Variants in SCFD2 observed in about 807,000 individuals in gnomAD.
The protein encoded by SCFD2 is sec1 family domain-containing protein 2.
Under a neutral mutation model 58.9 loss-of-function variants are expected in SCFD2, and 54 were observed. The observed-to-expected ratio is 0.92, with a 90% CI of 0.74 to 1.15. The LOEUF is 1.15. Ranked by LOEUF, SCFD2 falls within the 50% of genes most tolerant of loss-of-function variation. The pLI is 0.00. For synonymous variants in SCFD2, 321 were observed against 335.9 expected, an observed-to-expected ratio of 0.96 and a Z score of 0.49; for missense variants, 805 against 836.6, an observed-to-expected ratio of 0.96 and a Z score of 0.47.
intron 5 of SCFD2, among the ~76,000 whole-genome samples, chr4:53,047,426 C>A (rs1723070239): frequency 6.6e-6 from 1 of 152,164 alleles, no homozygotes; most frequent in Admixed American, 6.5e-5. Context: ...CCAGCCTGGA[C>A]AACAGAGTGA....
chr4:53,293,737 TA>T (rs895030614), intron 3 of SCFD2, among the ~76,000 whole-genome samples: 4 of 152,092 alleles, frequency 2.6e-5, no homozygotes, highest in African/African-American at 9.6e-5. Context: ...GCTCACTCTT[TA>T]AAAAAAATTA....
chr4:53,046,834 A>G (rs1020338558), intron 5 of SCFD2, among the ~76,000 whole-genome samples: 2 of 151,820 alleles, frequency 1.3e-5, no homozygotes, highest in Non-Finnish European at 2.9e-5. Context: ...CATCCAGCTA[A>G]TTTTCTTTTG....
chr4:53,169,552 TGGATATATA>T (rs1474094737), intron 4 of SCFD2, among the ~76,000 whole-genome samples: 1 of 152,078 alleles, frequency 6.6e-6, no homozygotes, highest in Non-Finnish European at 1.5e-5. Flanking sequence ...TCGTTTGCTT[TGGATATATA>T]CCCAAAGTGG....
At chr4:53,228,822 AT>A (rs1330294722) in intron 4 of SCFD2, among the ~76,000 whole-genome samples, 1 of 152,228 alleles carries the variant, frequency 6.6e-6, no homozygotes, top group East Asian at 1.9e-4. Flanking sequence ...GAAAAGAGGA[AT>A]TCAAATTGTC....
chr4:52,934,471 T>C (rs1720086343), intron 5 of SCFD2, among the ~76,000 whole-genome samples: 1 of 152,224 alleles, frequency 6.6e-6, no homozygotes, highest in South Asian at 2.1e-4. Context: ...TGGAAATTGT[T>C]GGCTGTGGCT....
rs571219518 is a variant in SCFD2, at chr4:53,198,706, T to C, written c.1312-53124A>G. Among the ~76,000 whole-genome samples, 3 of 150,646 alleles carry C rather than the reference T, an allele frequency of 2.0e-5. No homozygotes were observed. The East Asian group carries it at 5.9e-4, about 30-fold the overall frequency. The stretch of plus-strand genomic sequence containing the variant: ...GTGCATGTGTGTATACATGTGTTCA[T>C]TTAAAGATCCTATAAGAACCCTCAT... On this transcript the variant is annotated intron_variant, in intron 4 of 8. Transcript: ENST00000401642.
intron 5 of SCFD2, among the ~76,000 whole-genome samples, chr4:53,106,983 C>T (rs541688093): frequency 7.5e-4 from 114 of 152,220 alleles, no homozygotes; most frequent in Admixed American, 4.6e-3. Context: ...AGAGAAAGGT[C>T]GGGTTACCCA....
chr4:53,161,067 A>G (rs1560363405), intron 4 of SCFD2, among the ~76,000 whole-genome samples: 1 of 152,260 alleles, frequency 6.6e-6, no homozygotes, highest in Non-Finnish European at 1.5e-5. Context: ...AGAAGCCAGA[A>G]AAAATATATA....
chr4:53,355,706 C>T (rs1385639310), intron 1 of SCFD2, among the ~76,000 whole-genome samples: 2 of 152,144 alleles, frequency 1.3e-5, no homozygotes. Context: ...TCAACCTACC[C>T]CTCCAACTGA....
chr4:53,291,098 A>T (rs532156059), intron 3 of SCFD2, among the ~76,000 whole-genome samples: 71 of 152,276 alleles, frequency 4.7e-4, no homozygotes, highest in African/African-American at 1.5e-3. Context: ...ATATTTTATA[A>T]GGCCAGTATC....
At chr4:53,213,825 G>A (rs903226426) in intron 4 of SCFD2, among the ~76,000 whole-genome samples, 1 of 151,908 alleles carries the variant, frequency 6.6e-6, no homozygotes, top group Admixed American at 6.6e-5. Flanking sequence ...CCCACGACAG[G>A]CCCTGGTGTG....
At chr4:53,321,536 T>G (rs1316196294) in intron 2 of SCFD2, among the ~76,000 whole-genome samples, 1 of 152,040 alleles carries the variant, frequency 6.6e-6, no homozygotes, top group Non-Finnish European at 1.5e-5. Context: ...GCAATAATAG[T>G]CACAGTATTC....
intron 5 of SCFD2, among the ~76,000 whole-genome samples, chr4:52,972,390 T>G (rs574199364): frequency 1.3e-5 from 2 of 152,002 alleles, no homozygotes; most frequent in Non-Finnish European, 2.9e-5. Flanking sequence ...AAACAGACTT[T>G]AAAGCAACAA....
At chr4:52,985,043 G>T (rs1454981672) in intron 5 of SCFD2, among the ~76,000 whole-genome samples, 1 of 152,198 alleles carries the variant, frequency 6.6e-6, no homozygotes, top group Non-Finnish European at 1.5e-5. Context: ...AGTAGGACAT[G>T]GGTATTTAAA....
intron 4 of SCFD2, among the ~76,000 whole-genome samples, chr4:53,230,755 A>G (rs1347070075): frequency 6.6e-6 from 1 of 152,294 alleles, no homozygotes; most frequent in East Asian, 1.9e-4. Flanking sequence ...CATGTACCCT[A>G]AAAGTTAAAG....
At chr4:53,348,277 G>T (rs1482538573) in intron 2 of SCFD2, among the ~76,000 whole-genome samples, 17 of 152,140 alleles carry the variant, frequency 1.1e-4, no homozygotes, top group Admixed American at 9.8e-4. Flanking sequence ...GACTATCAAA[G>T]CTTACTGCTT....
intron 5 of SCFD2, among the ~76,000 whole-genome samples, chr4:52,992,833 C>T (rs985810685): frequency 2.6e-5 from 4 of 151,816 alleles, no homozygotes; most frequent in African/African-American, 9.7e-5. Flanking sequence ...TGCCTCTGCC[C>T]GGCTGCCCCG....
At chr4:53,327,677 G>C (rs906530243) in intron 2 of SCFD2, among the ~76,000 whole-genome samples, 9 of 152,206 alleles carry the variant, frequency 5.9e-5, no homozygotes, top group Admixed American at 1.3e-4. Flanking sequence ...AAATACAGGA[G>C]ACTGAGCAAA....
intron 3 of SCFD2, among the ~76,000 whole-genome samples, chr4:53,313,177 C>CT (rs1431616576): frequency 4.6e-5 from 7 of 152,272 alleles, no homozygotes; most frequent in African/African-American, 1.7e-4. Flanking sequence ...AATTAGGACT[C>CT]TAAGGGTGAG....
Sources: gnomAD v4.1 joint callset for allele counts (sites outside exome capture counted in the v4.1 genomes callset) on GRCh38, gnomAD v4.1.1 for gene constraint, MANE v1.5 for transcripts, NCBI Gene and HGNC (gene_info 2026-07-23, HGNC 2026-07-21) for gene names.